Variants in SPTLC3 observed in about 807,000 individuals in gnomAD.
SPTLC3 encodes the protein serine palmitoyltransferase long chain base subunit 3.
A neutral mutation model predicts 59.3 loss-of-function variants in SPTLC3; 36 were observed. That is an observed-to-expected ratio of 0.61 (90% CI 0.47 to 0.80). The LOEUF (loss-of-function observed/expected upper bound fraction) is 0.80, where lower values mean the gene tolerates loss of function less well. SPTLC3 is among the 30% of genes least tolerant of loss of function. The pLI is 0.00. For missense variants in SPTLC3, 625 were observed against 685.1 expected, an observed-to-expected ratio of 0.91 and a Z score of 0.98; for synonymous variants, 257 against 240.8, an observed-to-expected ratio of 1.07 and a Z score of -0.62.
chr20:13,114,559 C>G (rs999895817), intron 7 of SPTLC3, among the ~76,000 whole-genome samples: 1 of 152,124 alleles, frequency 6.6e-6, no homozygotes, highest in African/African-American at 2.4e-5. Flanking sequence ...CCTCAGAATA[C>G]CATTTACTCT....
At chr20:13,019,675 G>C (rs959082289) in intron 1 of SPTLC3, among the ~76,000 whole-genome samples, 4 of 152,122 alleles carry the variant, frequency 2.6e-5, no homozygotes, top group Non-Finnish European at 4.4e-5. Context: ...GATATTTATT[G>C]ACCAAACCAC....
chr20:13,056,258 G>A (rs868758364), intron 2 of SPTLC3, among the ~76,000 whole-genome samples: 4 of 152,066 alleles, frequency 2.6e-5, no homozygotes, highest in African/African-American at 9.7e-5. Flanking sequence ...TCTCTGTGAG[G>A]TCCAGAGCAA....
intron 1 of SPTLC3, among the ~76,000 whole-genome samples, chr20:13,036,138 C>T (rs78114144): frequency 0.051 from 7,697 of 152,090 alleles, 232 homozygotes; most frequent in South Asian, 0.083. Context: ...TTTTACCAAA[C>T]ATTAGGTGAT....
chr20:13,042,616 A>G (rs897536495), intron 1 of SPTLC3, among the ~76,000 whole-genome samples: 1 of 152,208 alleles, frequency 6.6e-6, no homozygotes, highest in Non-Finnish European at 1.5e-5. Flanking sequence ...TGAGAGTGAT[A>G]AGAAATGATG....
chr20:13,039,637 A>G (rs1056311434), intron 1 of SPTLC3, among the ~76,000 whole-genome samples: 2 of 151,842 alleles, frequency 1.3e-5, no homozygotes, highest in Non-Finnish European at 2.9e-5. Flanking sequence ...AGTTTCATTT[A>G]TGTATTTTTG....
At chr20:13,027,973 A>G (rs1986242349) in intron 1 of SPTLC3, among the ~76,000 whole-genome samples, 1 of 152,158 alleles carries the variant, frequency 6.6e-6, no homozygotes, top group Non-Finnish European at 1.5e-5. Flanking sequence ...CCTCAGCTCT[A>G]TTCTTAAAAT....
intron 11 of SPTLC3, among the ~76,000 whole-genome samples, chr20:13,162,775 A>G (rs375792052): frequency 1.3e-5 from 2 of 152,150 alleles, no homozygotes; most frequent in South Asian, 2.1e-4. Flanking sequence ...CCCACTTCTT[A>G]ACAGCATCCA....
rs547904399 is a variant in SPTLC3 at position 13,117,478 on chromosome 20, G to A, written c.933-28G>A. Reference sequence around the variant, plus strand: ...GAGCTTCCCAGGAGGGTATTTGTTAGTTATGAGCATTTCTCCTTCTGCCCT... The same window carrying A: ...GAGCTTCCCAGGAGGGTATTTGTTAATTATGAGCATTTCTCCTTCTGCCCT... On this transcript the variant is annotated intron_variant, in intron 7 of 11. Coordinates refer to ENST00000399002, the MANE Select transcript of SPTLC3 (RefSeq NM_018327.4). 2.5e-5 allele frequency: 39 copies of A among 1,547,010 alleles called. No individual in the cohort carries two copies. The East Asian group carries it at 4.5e-4, about 18-fold the overall frequency.
chr20:13,151,220 A>T (rs2038638437), intron 9 of SPTLC3, among the ~76,000 whole-genome samples: 1 of 152,144 alleles, frequency 6.6e-6, no homozygotes, highest in South Asian at 2.1e-4. Flanking sequence ...TTCTACTCTT[A>T]CTACCAACTA....
At chr20:13,120,499 G>T (rs1441079260) in intron 8 of SPTLC3, among the ~76,000 whole-genome samples, 7 of 152,070 alleles carry the variant, frequency 4.6e-5, no homozygotes, top group Non-Finnish European at 1.0e-4. Flanking sequence ...CTAGAAAAAA[G>T]AGATAAAAAC....
At chr20:13,064,392 G>A (rs1328711142) in intron 2 of SPTLC3, among the ~76,000 whole-genome samples, 1 of 150,870 alleles carries the variant, frequency 6.6e-6, no homozygotes, top group Non-Finnish European at 1.5e-5. Flanking sequence ...CTCCTAGGTT[G>A]GAACGATTCT....
At position 13,074,505 on chromosome 20, in the gene SPTLC3, C is replaced by T. The variant is rs1600254133; in HGVS notation, c.607+8C>T. On this transcript the variant is annotated splice_region_variant and intron_variant, in intron 4 of 11. Coordinates refer to ENST00000399002, the MANE Select transcript of SPTLC3 (RefSeq NM_018327.4). Reference sequence around the variant, plus strand: ...GCACCAGGCATGAAATGGGTATGTACATTCACTGTTTTGAAACTTTTTGCT... The same window carrying T: ...GCACCAGGCATGAAATGGGTATGTATATTCACTGTTTTGAAACTTTTTGCT... The T allele has an allele frequency of 6.2e-7, 1 of 1,601,004 alleles. No homozygotes were observed. Among genetic ancestry groups the T allele is most frequent in the East Asian group, 2.2e-5 (1 of 44,638 alleles).
At chr20:13,157,365 A>G (rs1177059582) in intron 10 of SPTLC3, among the ~76,000 whole-genome samples, 1 of 151,980 alleles carries the variant, frequency 6.6e-6, no homozygotes, top group East Asian at 1.9e-4. Context: ...GGAACCCGGG[A>G]GGTGGAGGTT....
intron 2 of SPTLC3, among the ~76,000 whole-genome samples, chr20:13,058,586 G>A (rs1600238910): frequency 6.6e-6 from 1 of 152,194 alleles, no homozygotes; most frequent in East Asian, 1.9e-4. Flanking sequence ...GGGTGAGGCA[G>A]AGGGGAGGGC....
At chr20:13,053,684 G>C (rs541863969) in intron 2 of SPTLC3, among the ~76,000 whole-genome samples, 25 of 152,166 alleles carry the variant, frequency 1.6e-4, no homozygotes, top group African/African-American at 6.0e-4. Context: ...CCAGTTTAGA[G>C]AAGAACATAA....
chr20:13,081,981 C>T (rs1335631616), intron 4 of SPTLC3, among the ~76,000 whole-genome samples: 2 of 152,146 alleles, frequency 1.3e-5, no homozygotes, highest in East Asian at 1.9e-4. Context: ...AACATAATTG[C>T]CCTTCTCCTG....
intron 9 of SPTLC3, among the ~76,000 whole-genome samples, chr20:13,129,843 C>T (rs2038082127): frequency 6.6e-6 from 1 of 152,176 alleles, no homozygotes; most frequent in African/African-American, 2.4e-5. Flanking sequence ...ATTTCCCTTG[C>T]TTCTCTCTCT....
intron 1 of SPTLC3, among the ~76,000 whole-genome samples, chr20:13,042,700 C>A (rs1017408494): frequency 1.3e-5 from 2 of 152,152 alleles, no homozygotes. Context: ...TCTTGGCCAC[C>A]TGCTCAAAGT....
At chr20:13,101,620 C>T (rs889734197) in intron 6 of SPTLC3, among the ~76,000 whole-genome samples, 2 of 152,238 alleles carry the variant, frequency 1.3e-5, no homozygotes, top group Non-Finnish European at 2.9e-5. Context: ...GAGTCAGCTG[C>T]AACCAGGAAC....
Sources: allele counts gnomAD v4.1 joint callset (sites outside exome capture counted in the v4.1 genomes callset), GRCh38; gene constraint gnomAD v4.1.1; transcripts MANE v1.5; gene names NCBI Gene and HGNC (gene_info 2026-07-23, HGNC 2026-07-21).